CCNL2: variants seen among roughly 807,000 people sequenced by gnomAD.
The protein encoded by CCNL2 is cyclin L2.
A neutral mutation model predicts 59.1 loss-of-function variants in CCNL2; 28 were observed. The observed-to-expected ratio is 0.47, with a 90% CI of 0.35 to 0.65. The LOEUF is 0.65. Ranked by LOEUF, CCNL2 falls within the 30% of genes least tolerant of loss-of-function variation. The probability of loss-of-function intolerance (pLI) is 0.00; values close to 1 mark genes in which losing one functional copy is unlikely to be tolerated. For synonymous variants in CCNL2, 342 were observed against 288.6 expected (o/e 1.19, Z -1.88); for missense variants, 714 against 717.4 (o/e 1.00, Z 0.05).
intron 2 of CCNL2, 45 bp from the exon 3 acceptor site, chr1:1,398,387 CG>C: frequency 1.2e-6 from 2 of 1,612,524 alleles, no homozygotes; most frequent in East Asian, 2.2e-5. Flanking sequence ...TCCCCAGCCA[CG>C]GCGTCCTGAC....
intron 1 of CCNL2, 67 bp downstream of exon 1, chr1:1,398,952 G>A: frequency 6.7e-7 from 1 of 1,489,468 alleles, no homozygotes; most frequent in Non-Finnish European, 8.9e-7. Flanking sequence ...GGCCCGACTC[G>A]CCGCCAACAA....
Position 1,387,785 on chromosome 1 carries a change from A to C in CCNL2, c.1203T>G (p.Pro401=). Residue 401 remains proline, a synonymous_variant, in exon 10 of 11, where the codon CCT becomes CCG. Coordinates refer to ENST00000400809, the MANE Select transcript of CCNL2 (RefSeq NM_030937.6). Reference sequence around the variant, plus strand: ...CGCCCTGAGGCACACACCTCCTCTTAGGAGACGCTGATCGGGATGGGGACC... The same window carrying C: ...CGCCCTGAGGCACACACCTCCTCTTCGGAGACGCTGATCGGGATGGGGACC... ...YSRSPSRSAS[P]KRRKSDSGST... 3 of 1,611,734 alleles carry C rather than the reference A, an allele frequency of 1.9e-6. No homozygotes were observed. Among genetic ancestry groups the C allele is most frequent in the Non-Finnish European group, 2.5e-6 (3 of 1,179,110 alleles).
Position 1,395,352 on chromosome 1 carries a change from AGCG to A in CCNL2, c.594+39_594+41del, listed in dbSNP as rs767843226. ...TGGAGAGAGGCGGCCAGGCAGGAGCAGCGGCCTAGGCGGGCTCGCAGGGCAGGA... is the reference window on the plus strand; with the variant it reads ...TGGAGAGAGGCGGCCAGGCAGGAGCAGCCTAGGCGGGCTCGCAGGGCAGGA... On this transcript the variant is annotated intron_variant, in intron 4 of 10. Coordinates refer to ENST00000400809, the MANE Select transcript of CCNL2 (RefSeq NM_030937.6). The A allele has an allele frequency of 3.1e-6, 5 of 1,608,974 alleles. No individual in the cohort carries two copies. In the South Asian group the frequency reaches 5.5e-5, roughly 18 times the overall value.
chr1:1,388,286 G>T lies in CCNL2; in HGVS notation c.1007-221C>A, dbSNP rs1305609643. The stretch of plus-strand genomic sequence containing the variant: ...GCCTGTGAGCCCAGCACTTCGGGAG[G>T]CCGAGGAGGGCGGATCACAAAGTCA... On this transcript the variant is annotated intron_variant, in intron 8 of 10. Coordinates refer to ENST00000400809, the MANE Select transcript of CCNL2 (RefSeq NM_030937.6). 4 of 544,356 alleles carry T rather than the reference G, an allele frequency of 7.3e-6. No homozygotes were observed. In the African/African-American group the frequency reaches 7.6e-5, roughly 10 times the overall value. 33.7% of individuals were successfully genotyped at this position (544,356 alleles called of 1,614,324 possible).
At position 1,387,959 on chromosome 1, in the gene CCNL2, C is replaced by G; in HGVS notation, c.1113G>C (p.Val371=). ...GGGCAGCCCTGGGGTCCTACCCGTT[C>G]ACGGGGCTGTCCGCCTTGGCTTTCT... is the stretch of plus-strand genomic sequence containing the variant. ...GAKKAKADSP[V]NGLPKGRESR... is the part of the protein sequence containing the mutation. The change falls in exon 9 of 11, where the codon GTG becomes GTC. Residue 371 remains valine (V), a synonymous_variant. Coordinates refer to ENST00000400809, the MANE Select transcript of CCNL2 (RefSeq NM_030937.6). 6.2e-7 allele frequency: 1 copy of G among 1,614,064 alleles called. No homozygotes were observed.
In CCNL2 at chr1:1,390,452, G is replaced by T. The variant is rs768258762; in HGVS notation, c.864+7C>A. 1 of 1,612,550 alleles carries T rather than the reference G, an allele frequency of 6.2e-7. No individual in the cohort carries two copies. Among genetic ancestry groups the T allele is most frequent in the Non-Finnish European group, 8.5e-7 (1 of 1,179,310 alleles). On this transcript the variant is annotated splice_region_variant and intron_variant, in intron 7 of 10. Transcript: ENST00000400809. ...CGCATACGTTACATGAAAAAATGCC[G>T]AAGAACCTTTTTCCGAGCATAAAGC...
chr1:1,398,996 G>C, intron 1 of CCNL2, 23 bp downstream of exon 1: 1 of 1,576,870 alleles, frequency 6.3e-7, no homozygotes, highest in Non-Finnish European at 8.6e-7. Context: ...ACCTGGGCCG[G>C]AGGCTCGCGG....
intron 3 of CCNL2, among the ~76,000 whole-genome samples, chr1:1,396,512 C>T (rs1359565222): frequency 2.6e-5 from 4 of 151,208 alleles, no homozygotes; most frequent in Admixed American, 6.6e-5. Context: ...ATGATCCACC[C>T]GCCTTGGCCT....
At chr1:1,395,867 A>G (rs1288672396) in intron 3 of CCNL2, among the ~76,000 whole-genome samples, 5 of 152,224 alleles carry the variant, frequency 3.3e-5, no homozygotes, top group Non-Finnish European at 4.4e-5. Flanking sequence ...CCACAGAACC[A>G]ATGAAAGCAC....
At chr1:1,392,932 A>G in intron 5 of CCNL2, 2 of 849,564 alleles carry the variant, frequency 2.4e-6, no homozygotes, top group East Asian at 5.3e-5. Context: ...AAAATTCACC[A>G]GAATCCCCAG....
At chr1:1,387,631 A>C (rs1311867825) in intron 10 of CCNL2, 49 bp from the exon 11 acceptor site, 2 of 1,437,440 alleles carry the variant, frequency 1.4e-6, no homozygotes, top group South Asian at 1.4e-5. Flanking sequence ...TGGCCCGGCC[A>C]GGCCCCACAC....
intron 5 of CCNL2, chr1:1,391,783 G>A (rs1012540010): frequency 3.0e-6 from 1 of 334,726 alleles, no homozygotes; most frequent in South Asian, 2.4e-5. Context: ...AGATCTCTAA[G>A]ATTTAATAGA....
rs778260594 is a variant in CCNL2, at chr1:1,387,295, G to C, written c.1499C>G (p.Ser500Trp). 1 of 1,613,378 alleles carries C rather than the reference G, an allele frequency of 6.2e-7. No individual in the cohort carries two copies. The highest frequency in any genetic ancestry group is 8.5e-7 in the Non-Finnish European group (1 of 1,180,026). Residue 500 changes from serine to tryptophan, a missense_variant, in exon 11 of 11, where the codon TCG becomes TGG. Ser to Trp is a radical substitution (Grantham distance 177). Around this residue, in one of 5 missense-constraint regions of CCNL2, gnomAD observed 403 missense variants for 377.7 expected, o/e 1.07. Coordinates refer to ENST00000400809, the MANE Select transcript of CCNL2 (RefSeq NM_030937.6). The stretch of plus-strand genomic sequence containing the variant: ...ATAGCGACGGCCTGTGCGTTCATAC[G>C]ACCTCGAGCGCTCTCGTCGCTGATC... ...YRDQRRERSR[S>W]YERTGRRYER...
In CCNL2 at chr1:1,386,416, C is replaced by A. The variant is rs985002030; in HGVS notation, c.*815G>T. ...AGGGAGCAAGGAGCCCGGAAGTGGG[C>A]GCACTGGCTGTGCACACGCCTGGAC... is the stretch of plus-strand genomic sequence containing the variant. On this transcript the variant is annotated 3_prime_UTR_variant, in exon 11 of 11. Coordinates refer to ENST00000400809, the MANE Select transcript of CCNL2 (RefSeq NM_030937.6). The A allele has an allele frequency of 6.6e-6, 1 of 152,512 alleles. No individual in the cohort carries two copies. The highest frequency in any genetic ancestry group is 6.5e-5 in the Admixed American group (1 of 15,278). 9.4% of individuals were successfully genotyped at this position (152,512 alleles called of 1,614,324 possible). A position where few individuals can be genotyped will look rare whatever the true frequency, so the allele number is the denominator to read the frequency against.
At chr1:1,391,147 G>A (rs1041168994) in intron 5 of CCNL2, 56 of 1,203,998 alleles carry the variant, frequency 4.7e-5, no homozygotes, top group Middle Eastern at 3.4e-4. Context: ...AAAGAGAACC[G>A]ACTTTAACTT....
chr1:1,395,456 T>TTA lies in CCNL2; in HGVS notation c.530_531dup (p.Lys178Ter). The TTA allele has an allele frequency of 6.2e-7, 1 of 1,614,142 alleles. No individual in the cohort carries two copies. Among genetic ancestry groups the TTA allele is most frequent in the Non-Finnish European group, 8.5e-7 (1 of 1,180,032 alleles). ...TCTTTGAGAACTCGTCTTTCCGCCT[T>TTA]TATAATTTGGTTCTTTAAATTAACA... On this transcript the variant is annotated frameshift_variant, in exon 4 of 11. Transcript: ENST00000400809. LOFTEE classifies it high-confidence loss of function.
chr1:1,387,440 A>C lies in CCNL2; in HGVS notation c.1354T>G (p.Cys452Gly), dbSNP rs1443514166. 2 of 1,612,870 alleles carry C rather than the reference A, an allele frequency of 1.2e-6. No homozygotes were observed. The highest frequency in any genetic ancestry group is 2.2e-5 in the South Asian group (2 of 91,040). The change falls in exon 11 of 11, where the codon TGC (cysteine) becomes GGC (glycine). Residue 452 changes from cysteine (C) to glycine (G), a missense_variant. Cys to Gly is a radical substitution (Grantham distance 159, BLOSUM62 -3). Around this residue, in one of 5 missense-constraint regions of CCNL2, gnomAD observed 403 missense variants for 377.7 expected, o/e 1.07. Coordinates refer to ENST00000400809, the MANE Select transcript of CCNL2 (RefSeq NM_030937.6). ...TTGTGTGGCTTCTGGGGGTACTTGCAGTCCTTGGACTTCCGGGAGCCCCGA... is the reference window on the plus strand; with the variant it reads ...TTGTGTGGCTTCTGGGGGTACTTGCCGTCCTTGGACTTCCGGGAGCCCCGA... The part of the protein sequence containing the change: ...EIRGSRKSKD[C>G]KYPQKPHKSR...
chr1:1,396,122 T>A (rs1172908970), intron 3 of CCNL2, among the ~76,000 whole-genome samples: 1 of 139,720 alleles, frequency 7.2e-6, no homozygotes, highest in East Asian at 2.2e-4. Context: ...GAGGTTTCAG[T>A]GAGCCGAGAT....
chr1:1,390,882 G>A lies in CCNL2; in HGVS notation c.660-17C>T. The A allele has an allele frequency of 6.2e-7, 1 of 1,608,618 alleles. No individual in the cohort carries two copies. The highest frequency in any genetic ancestry group is 1.1e-5 in the South Asian group (1 of 90,982). ...ATGTAATTCCTGGAAGCCAAACACA[G>A]GAAGAACTGCAATGCCCCACCCGGG... On this transcript the variant is annotated splice_polypyrimidine_tract_variant and intron_variant, in intron 5 of 10. Coordinates refer to ENST00000400809, the MANE Select transcript of CCNL2 (RefSeq NM_030937.6).
Sources: allele counts gnomAD v4.1 joint callset (sites outside exome capture counted in the v4.1 genomes callset), GRCh38; gene constraint gnomAD v4.1.1; regional missense constraint gnomAD v4.1.1; transcripts MANE v1.5; gene names NCBI Gene and HGNC (gene_info 2026-07-23, HGNC 2026-07-21).